Variants in COG5 observed in about 807,000 individuals in gnomAD.
The protein encoded by COG5 is component of oligomeric golgi complex 5.
In COG5, 86 loss-of-function variants were observed where a neutral mutation model predicts 110.4. That is an observed-to-expected ratio of 0.78 (90% CI 0.65 to 0.93). The LOEUF is 0.93. COG5 is among the 40% of genes least tolerant of loss of function. COG5 has a pLI of 0.00. For missense variants in COG5, 1,077 were observed against 987.0 expected (o/e 1.09, Z -1.22); for synonymous variants, 360 against 334.6 (o/e 1.08, Z -0.83).
At chr7:107,441,792 T>A (rs1054166956) in intron 6 of COG5, among the ~76,000 whole-genome samples, 12 of 152,184 alleles carry the variant, frequency 7.9e-5, no homozygotes, top group Non-Finnish European at 1.6e-4. Context: ...TGCTCAAAAA[T>A]CTCCTCCACT....
intron 2 of COG5, among the ~76,000 whole-genome samples, chr7:107,557,310 A>T (rs6958969): frequency 0.13 from 19,099 of 152,160 alleles, 1,503 homozygotes; most frequent in Non-Finnish European, 0.17. Flanking sequence ...TACCTACTCA[A>T]TCAAAGGCAA....
At chr7:107,292,491 A>G (rs73726019) in intron 12 of COG5, among the ~76,000 whole-genome samples, 2,025 of 152,308 alleles carry the variant, frequency 0.013, 52 homozygotes, top group African/African-American at 0.045. Flanking sequence ...TGAGTGGTTA[A>G]GCTAAATATT....
At chr7:107,314,932 C>A (rs1808596938) in intron 11 of COG5, among the ~76,000 whole-genome samples, 1 of 152,150 alleles carries the variant, frequency 6.6e-6, no homozygotes, top group African/African-American at 2.4e-5. Context: ...ATCTCAAGCC[C>A]TTAACACAAA....
intron 6 of COG5, among the ~76,000 whole-genome samples, chr7:107,514,329 TAC>T (rs61351697): frequency 0.08 from 11,612 of 145,508 alleles, 445 homozygotes; most frequent in Middle Eastern, 0.12. Flanking sequence ...TGGCCTATTT[TAC>T]ACACACACAC....
chr7:107,542,156 C>T (rs1682824735), intron 5 of COG5, among the ~76,000 whole-genome samples: 1 of 151,684 alleles, frequency 6.6e-6, no homozygotes, highest in African/African-American at 2.4e-5. Context: ...AGAGAACTAA[C>T]CATAAAAGAA....
intron 7 of COG5, among the ~76,000 whole-genome samples, chr7:107,383,113 C>A (rs187909320): frequency 6.6e-6 from 1 of 152,170 alleles, no homozygotes; most frequent in Non-Finnish European, 1.5e-5. Flanking sequence ...GCACCACGCA[C>A]CCAAATCCTG....
At chr7:107,412,762 C>T (rs1257240111) in intron 6 of COG5, 130 bp from the exon 7 acceptor site, 9 of 616,050 alleles carry the variant, frequency 1.5e-5, no homozygotes, top group South Asian at 6.4e-5. Context: ...ATTCAAAATC[C>T]GTATTTTAAA....
intron 6 of COG5, among the ~76,000 whole-genome samples, chr7:107,433,773 A>T (rs1794181958): frequency 6.6e-6 from 1 of 152,192 alleles, no homozygotes; most frequent in Non-Finnish European, 1.5e-5. Context: ...GCAATTTCTC[A>T]CATATTGACA....
At chr7:107,538,751 T>A (rs755488688) in intron 5 of COG5, among the ~76,000 whole-genome samples, 6 of 137,152 alleles carry the variant, frequency 4.4e-5, no homozygotes, top group African/African-American at 1.6e-4. Flanking sequence ...TACCCAAGAA[T>A]TGAAAAAAAA....
intron 6 of COG5, among the ~76,000 whole-genome samples, chr7:107,450,983 A>C (rs1795296676): frequency 6.6e-6 from 1 of 152,210 alleles, no homozygotes; most frequent in Non-Finnish European, 1.5e-5. Context: ...TGGTGTGATA[A>C]GGACCTTTAA....
intron 14 of COG5, among the ~76,000 whole-genome samples, chr7:107,262,015 T>A (rs1278204751): frequency 6.6e-6 from 1 of 151,846 alleles, no homozygotes; most frequent in East Asian, 1.9e-4. Context: ...CTCAGCCTCC[T>A]GGGTAGCTGG....
chr7:107,416,932 G>A (rs938370614), intron 6 of COG5, among the ~76,000 whole-genome samples: 1 of 152,078 alleles, frequency 6.6e-6, no homozygotes, highest in Non-Finnish European at 1.5e-5. Context: ...TAAAAAGAGG[G>A]GAAATTATAT....
At chr7:107,247,233 G>A (rs1802125471) in intron 17 of COG5, among the ~76,000 whole-genome samples, 2 of 152,132 alleles carry the variant, frequency 1.3e-5, no homozygotes, top group South Asian at 4.1e-4. Flanking sequence ...GGGAGGGTGG[G>A]AGGAGGGAGA....
At chr7:107,465,266 T>C (rs1015232853) in intron 6 of COG5, among the ~76,000 whole-genome samples, 3 of 152,192 alleles carry the variant, frequency 2.0e-5, no homozygotes, top group African/African-American at 7.2e-5. Flanking sequence ...ATGAATTTAG[T>C]AAAGTTGCAG....
chr7:107,372,342 T>C (rs1457286686), intron 8 of COG5, among the ~76,000 whole-genome samples: 1 of 152,202 alleles, frequency 6.6e-6, no homozygotes, highest in Non-Finnish European at 1.5e-5. Flanking sequence ...TGCATCTGTT[T>C]CCTCTCAACC....
At chr7:107,259,679 C>A (rs550851323) in intron 14 of COG5, among the ~76,000 whole-genome samples, 26 of 152,272 alleles carry the variant, frequency 1.7e-4, no homozygotes, top group African/African-American at 6.3e-4. Flanking sequence ...AATCCAACCT[C>A]TCTTACTTCT....
chr7:107,289,659 T>C (rs1805995515), intron 12 of COG5, among the ~76,000 whole-genome samples: 1 of 152,352 alleles, frequency 6.6e-6, no homozygotes, highest in Non-Finnish European at 1.5e-5. Context: ...TCTACTTATT[T>C]AGATATTTCT....
At chr7:107,263,580 C>T (rs963922713) in intron 14 of COG5, among the ~76,000 whole-genome samples, 1 of 152,066 alleles carries the variant, frequency 6.6e-6, no homozygotes, top group Non-Finnish European at 1.5e-5. Context: ...CACACACACA[C>T]GTGCAGACAC....
intron 5 of COG5, among the ~76,000 whole-genome samples, chr7:107,529,092 A>G (rs966803217): frequency 1.3e-5 from 2 of 150,644 alleles, no homozygotes; most frequent in African/African-American, 4.9e-5. Flanking sequence ...GGGCATCTTT[A>G]TCTTTTAATT....
Sources: allele counts gnomAD v4.1 joint callset (sites outside exome capture counted in the v4.1 genomes callset), GRCh38; gene constraint gnomAD v4.1.1; transcripts MANE v1.5; gene names NCBI Gene and HGNC (gene_info 2026-07-23, HGNC 2026-07-21).